SH3RF1: variants seen among roughly 807,000 people sequenced by gnomAD.
The protein encoded by SH3RF1 is SH3 domain containing ring finger 1.
SH3RF1 carries 32 observed loss-of-function variants against 74.0 expected under a neutral mutation model. The ratio of observed to expected loss-of-function variants is 0.43; its 90% CI spans 0.33 to 0.58. The LOEUF is 0.58. SH3RF1 is among the 20% of genes least tolerant of loss of function. The pLI, the probability that SH3RF1 is intolerant of heterozygous loss-of-function variation, is 0.05. For missense variants in SH3RF1, 954 were observed against 1,130.9 expected, an observed-to-expected ratio of 0.84 and a Z score of 2.24; for synonymous variants, 396 against 439.6, an observed-to-expected ratio of 0.90 and a Z score of 1.24.
chr4:169,190,530 G>C (rs1404638865), intron 2 of SH3RF1, among the ~76,000 whole-genome samples: 2 of 151,446 alleles, frequency 1.3e-5, no homozygotes, highest in East Asian at 1.9e-4. Flanking sequence ...GGAAGAATTA[G>C]ATACCCTGAA....
chr4:169,213,740 A>G (rs184561281), intron 2 of SH3RF1, among the ~76,000 whole-genome samples: 74 of 152,342 alleles, frequency 4.9e-4, no homozygotes, highest in Non-Finnish European at 7.3e-5. Flanking sequence ...TTGAATGTCC[A>G]GTTACTCCAG....
At chr4:169,110,867 A>G (rs1332134277) in intron 10 of SH3RF1, among the ~76,000 whole-genome samples, 2 of 152,212 alleles carry the variant, frequency 1.3e-5, no homozygotes, top group East Asian at 1.9e-4. Flanking sequence ...AGACTTACAA[A>G]GCACCTCTAG....
At chr4:169,155,026 C>T (rs1734029214) in intron 4 of SH3RF1, among the ~76,000 whole-genome samples, 1 of 152,176 alleles carries the variant, frequency 6.6e-6, no homozygotes, top group Admixed American at 6.5e-5. Flanking sequence ...GATTCATTGA[C>T]TTATTTAACA....
chr4:169,176,325 T>G (rs975358778), intron 2 of SH3RF1, among the ~76,000 whole-genome samples: 1 of 152,208 alleles, frequency 6.6e-6, no homozygotes, highest in Non-Finnish European at 1.5e-5. Context: ...TCTAGCATTT[T>G]CATCAATAAT....
Position 169,116,252 on chromosome 4 carries a change from A to C in SH3RF1, c.2139+17T>G, listed in dbSNP as rs1467239405. ...AAGTAAGTAAAGCAGAGAAACAGTA[A>C]GTAAGTATGGTCTTACTTTGCTATC... On this transcript the variant is annotated intron_variant, in intron 10 of 11. Transcript: ENST00000284637. 12 of 1,574,278 alleles carry C rather than the reference A, an allele frequency of 7.6e-6. No individual in the cohort carries two copies. In the South Asian group the frequency reaches 1.4e-4, roughly 19 times the overall value.
chr4:169,175,264 G>GC (rs1338876517), intron 2 of SH3RF1, among the ~76,000 whole-genome samples: 1 of 152,082 alleles, frequency 6.6e-6, no homozygotes, highest in Non-Finnish European at 1.5e-5. Flanking sequence ...TAACACCCTA[G>GC]CACCTATTAT....
chr4:169,248,881 G>A (rs185950187), intron 2 of SH3RF1, among the ~76,000 whole-genome samples: 57 of 152,226 alleles, frequency 3.7e-4, no homozygotes, highest in African/African-American at 1.3e-3. Context: ...GAATGGCTCC[G>A]CTCCAAAACT....
chr4:169,181,059 C>T (rs142218653), intron 2 of SH3RF1, among the ~76,000 whole-genome samples: 3 of 152,180 alleles, frequency 2.0e-5, no homozygotes, highest in African/African-American at 4.8e-5. Flanking sequence ...TGTAGCCTAA[C>T]CCAGACACAG....
chr4:169,125,126 G>T (rs752685786), intron 6 of SH3RF1, among the ~76,000 whole-genome samples: 1 of 152,132 alleles, frequency 6.6e-6, no homozygotes, highest in Non-Finnish European at 1.5e-5. Context: ...CCATGTCCAG[G>T]TTCTCTTCTC....
chr4:169,108,645 T>A (rs1477871360), intron 10 of SH3RF1, among the ~76,000 whole-genome samples: 1 of 152,194 alleles, frequency 6.6e-6, no homozygotes, highest in Non-Finnish European at 1.5e-5. Flanking sequence ...TAGAGGAAGA[T>A]CCTTTTGCAT....
chr4:169,141,286 T>A (rs1179688569), intron 4 of SH3RF1, among the ~76,000 whole-genome samples: 1 of 152,156 alleles, frequency 6.6e-6, no homozygotes, highest in Non-Finnish European at 1.5e-5. Flanking sequence ...AACCAAGCAA[T>A]CCATTCTATT....
chr4:169,206,982 C>A (rs1730273893), intron 2 of SH3RF1, among the ~76,000 whole-genome samples: 1 of 151,244 alleles, frequency 6.6e-6, no homozygotes, highest in South Asian at 2.1e-4. Flanking sequence ...TTTTTTGAGA[C>A]AGGGTTTCAC....
chr4:169,120,760 T>C, intron 8 of SH3RF1, 59 bp downstream of exon 8: 5 of 1,570,326 alleles, frequency 3.2e-6, no homozygotes, highest in African/African-American at 1.4e-5. Flanking sequence ...CTGAAAACCA[T>C]GGAAAAGAAC....
At position 169,269,011 on chromosome 4, in the gene SH3RF1, A is replaced by G; in HGVS notation, c.202T>C (p.Leu68=). 8 of 1,614,200 alleles carry G rather than the reference A, an allele frequency of 5.0e-6. No homozygotes were observed. The highest frequency in any genetic ancestry group is 6.8e-6 in the Non-Finnish European group (8 of 1,180,028). The part of the protein sequence containing the change: ...SGVEELPSNI[L]LVRLLDGIKQ... ...ATGCCATCCAGAAGTCTGACCAGCA[A>G]GATGTTACTGGGAAGCTCCTCGACA... The change falls in exon 2 of 12, where the codon TTG becomes CTG. Residue 68 remains leucine, a synonymous_variant. Coordinates refer to ENST00000284637, the MANE Select transcript of SH3RF1 (RefSeq NM_020870.4).
chr4:169,117,456 T>C, intron 9 of SH3RF1, 67 bp downstream of exon 9: 7 of 1,575,444 alleles, frequency 4.4e-6, no homozygotes, highest in Non-Finnish European at 6.1e-6. Context: ...ACATCTGTCA[T>C]AAAAGATCTA....
chr4:169,155,135 C>T (rs1342154817), intron 4 of SH3RF1, among the ~76,000 whole-genome samples: 1 of 152,214 alleles, frequency 6.6e-6, no homozygotes, highest in Non-Finnish European at 1.5e-5. Context: ...ATAAACTTTT[C>T]TCCATCTTAC....
chr4:169,180,609 C>T lies in SH3RF1; in HGVS notation c.394-23930G>A, dbSNP rs1050922813. On this transcript the variant is annotated intron_variant, in intron 2 of 11. Coordinates refer to ENST00000284637, the MANE Select transcript of SH3RF1 (RefSeq NM_020870.4). Reference sequence around the variant, plus strand: ...TTTGGGTTCTTGGGGTTCCCCTACCCGCTTGTTTTTTGTTTTTATTTAATT... The same window carrying T: ...TTTGGGTTCTTGGGGTTCCCCTACCTGCTTGTTTTTTGTTTTTATTTAATT... Among the ~76,000 whole-genome samples the T allele has an allele frequency of 1.3e-5, 2 of 152,128 alleles. 1 individual carries two copies. Among genetic ancestry groups the T allele is most frequent in the South Asian group, 4.1e-4 (2 of 4,830 alleles).
Position 169,106,837 on chromosome 4 carries a change from T to A in SH3RF1, c.2498+10A>T, listed in dbSNP as rs757395563. On this transcript the variant is annotated intron_variant, in intron 11 of 11. Coordinates refer to ENST00000284637, the MANE Select transcript of SH3RF1 (RefSeq NM_020870.4). Reference sequence around the variant, plus strand: ...TTTTTAGTTTTTTCCTGGAACGAAGTTGAACTTACCTTTCACAAACGACAG... The same window carrying A: ...TTTTTAGTTTTTTCCTGGAACGAAGATGAACTTACCTTTCACAAACGACAG... 6.5e-7 allele frequency: 1 copy of A among 1,535,590 alleles called. No individual in the cohort carries two copies. The highest frequency in any genetic ancestry group is 1.2e-5 in the South Asian group (1 of 81,126).
intron 2 of SH3RF1, among the ~76,000 whole-genome samples, chr4:169,158,703 G>A (rs1734101577): frequency 6.6e-6 from 1 of 152,266 alleles, no homozygotes; most frequent in South Asian, 2.1e-4. Flanking sequence ...ATGAAGTAGA[G>A]CAATATAGTT....
Sources: gnomAD v4.1 joint callset for allele counts (sites outside exome capture counted in the v4.1 genomes callset) on GRCh38, gnomAD v4.1.1 for gene constraint, MANE v1.5 for transcripts, NCBI Gene and HGNC (gene_info 2026-07-23, HGNC 2026-07-21) for gene names.